Variants in GDF9 observed in about 807,000 individuals in gnomAD.
The protein encoded by GDF9 is growth/differentiation factor 9.
Under a neutral mutation model 33.8 loss-of-function variants are expected in GDF9, and 30 were observed. The ratio of observed to expected loss-of-function variants is 0.89; its 90% CI spans 0.66 to 1.20. GDF9 has a LOEUF of 1.20. Among genes scored for constraint, GDF9 ranks in the 50% most tolerant of loss-of-function variants. The pLI is 0.00. For synonymous variants in GDF9, 205 were observed against 200.7 expected, an observed-to-expected ratio of 1.02 and a Z score of -0.18; for missense variants, 556 against 543.7, an observed-to-expected ratio of 1.02 and a Z score of -0.22.
chr5:132,862,996 T>C (rs1759371304), intron 1 of GDF9, among the ~76,000 whole-genome samples: 1 of 152,056 alleles, frequency 6.6e-6, no homozygotes, highest in Non-Finnish European at 1.5e-5. Flanking sequence ...GCCCAGCTGA[T>C]TTTTTGTTTT....
rs1581252408 is a variant in GDF9 at position 132,864,833 on chromosome 5, T to C, written c.-300A>G. The C allele has an allele frequency of 2.7e-6, 1 of 368,252 alleles. No homozygotes were observed. The highest frequency in any genetic ancestry group is 4.9e-6 in the Non-Finnish European group (1 of 204,034). 22.8% of individuals were successfully genotyped at this position (368,252 alleles called of 1,614,324 possible). ...GTTACTGTTACACTACCGGACTAAC[T>C]ATGTAGCTGAAAGTCTAAGATAAAT... On this transcript the variant is annotated 5_prime_UTR_variant, in exon 1 of 2. It adds an upstream start codon to the 5' untranslated region. Transcript: ENST00000687138.
chr5:132,861,449 T>C lies in GDF9; in HGVS notation c.*140A>G. On this transcript the variant is annotated 3_prime_UTR_variant, in exon 2 of 2. Transcript: ENST00000687138. The stretch of plus-strand genomic sequence containing the variant: ...TTATCCTGATAGATGCCATAGAAGG[T>C]ACTAACCTACACAGGCTCCTCTTTA... 1 of 756,476 alleles carries C rather than the reference T, an allele frequency of 1.3e-6. No homozygotes were observed. Among genetic ancestry groups the C allele is most frequent in the Non-Finnish European group, 2.4e-6 (1 of 422,588 alleles). The allele number at this position is 756,476 out of a possible 1,614,324, so 46.9% of individuals were successfully genotyped here.
In GDF9 at chr5:132,862,324, T is replaced by C. The variant is rs752561305; in HGVS notation, c.630A>G (p.Lys210=). Residue 210 remains lysine (K), a synonymous_variant, in exon 2 of 2, where the codon AAA becomes AAG. Transcript: ENST00000687138. ...GGCTGGTCACATCAATCTGAATCCA[T>C]TTGTGTTTCTTTCCAAATTCAAACT... ...NSQFEFGKKH[K]WIQIDVTSLL... is the part of the protein sequence containing the mutation. The C allele has an allele frequency of 6.2e-7, 1 of 1,614,090 alleles. No individual in the cohort carries two copies. The highest frequency in any genetic ancestry group is 8.5e-7 in the Non-Finnish European group (1 of 1,180,002).
At position 132,861,702 on chromosome 5, in the gene GDF9, ACG is replaced by A; in HGVS notation, c.1250_1251del (p.Pro417LeufsTer16). 1 of 1,613,026 alleles carries A rather than the reference ACG, an allele frequency of 6.2e-7. No homozygotes were observed. The highest frequency in any genetic ancestry group is 8.5e-7 in the Non-Finnish European group (1 of 1,178,970). ...YEKLDSSVPR[P>X]SCVPAKYSPL... ...GGGCTGTATTTGGCAGGTACACATG[ACG>A]GTCTTGGCACTGAGGAGTCCAGCTT... On this transcript the variant is annotated frameshift_variant, in exon 2 of 2. Transcript: ENST00000687138. LOFTEE classifies it high-confidence loss of function.
chr5:132,862,162 G>C lies in GDF9; in HGVS notation c.792C>G (p.Ile264Met), dbSNP rs1489719337. ...GAGCACTTGTGTCATTCAAATATAA[G>C]ATCAGTGAGGGGGACACCAGAGTCA... ...FNMTLVSPSL[I>M]LYLNDTSAQA... The change falls in exon 2 of 2, where the codon ATC (isoleucine) becomes ATG (methionine). Residue 264 changes from isoleucine (I) to methionine (M), a missense_variant. Coordinates refer to ENST00000687138, the MANE Select transcript of GDF9 (RefSeq NM_005260.7). The C allele has an allele frequency of 1.2e-6, 2 of 1,612,998 alleles. No homozygotes were observed. The highest frequency in any genetic ancestry group is 8.5e-7 in the Non-Finnish European group (1 of 1,179,068).
Position 132,861,460 on chromosome 5 carries a change from A to G in GDF9, c.*129T>C. ...GATGCCATAGAAGGTACTAACCTAC[A>G]CAGGCTCCTCTTTATATAACATATG... On this transcript the variant is annotated 3_prime_UTR_variant, in exon 2 of 2. Coordinates refer to ENST00000687138, the MANE Select transcript of GDF9 (RefSeq NM_005260.7). 2.5e-6 allele frequency: 2 copies of G among 813,604 alleles called. No individual in the cohort carries two copies. 50.4% of individuals were successfully genotyped at this position (813,604 alleles called of 1,614,324 possible). A position where few individuals can be genotyped will look rare whatever the true frequency, so the allele number is the denominator to read the frequency against.
chr5:132,864,264 C>T lies in GDF9; in HGVS notation c.270G>A (p.Lys90=). The T allele has an allele frequency of 6.2e-7, 1 of 1,614,192 alleles. No homozygotes were observed. Among genetic ancestry groups the T allele is most frequent in the Non-Finnish European group, 8.5e-7 (1 of 1,180,010 alleles). ...TGGTAGCATATGTCTTATAGAGCTT[C>T]TTCATGTAGTGCAAAGCTCTGGAGT... ...QPDSRALHYM[K]KLYKTYATKE... is the part of the protein sequence containing the mutation. The change falls in exon 1 of 2, where the codon AAG becomes AAA. Residue 90 remains lysine, a synonymous_variant. Coordinates refer to ENST00000687138, the MANE Select transcript of GDF9 (RefSeq NM_005260.7).
In GDF9 at chr5:132,861,688, G is replaced by A. The variant is rs1376558017; in HGVS notation, c.1266C>T (p.Ala422=). The A allele has an allele frequency of 6.2e-7, 1 of 1,611,304 alleles. No homozygotes were observed. Among genetic ancestry groups the A allele is most frequent in the South Asian group, 1.1e-5 (1 of 91,026 alleles). ...SSVPRPSCVP[A]KYSPLSVLTI... ...TCAAAACACTCAAGGGGCTGTATTT[G>A]GCAGGTACACATGACGGTCTTGGCA... Residue 422 remains alanine, a synonymous_variant, in exon 2 of 2, where the codon GCC becomes GCT. Coordinates refer to ENST00000687138, the MANE Select transcript of GDF9 (RefSeq NM_005260.7).
At position 132,864,721 on chromosome 5, in the gene GDF9, C is replaced by T. The variant is rs1455702953; in HGVS notation, c.-188G>A. On this transcript the variant is annotated 5_prime_UTR_variant, in exon 1 of 2. The change creates a new upstream start codon in the 5' untranslated region. Transcript: ENST00000687138. ...GCTCTATATCAAGCAGCTGATAACA[C>T]CTTATTTAGCCAATTTGTTAATTAG... The T allele has an allele frequency of 1.7e-6, 1 of 591,174 alleles. No homozygotes were observed. The highest frequency in any genetic ancestry group is 3.0e-6 in the Non-Finnish European group (1 of 334,802). The allele number at this position is 591,174 out of a possible 1,614,324, so 36.6% of individuals were successfully genotyped here. A position where few individuals can be genotyped will look rare whatever the true frequency, so the allele number is the denominator to read the frequency against.
chr5:132,866,251 G>A lies in GDF9; in HGVS notation c.-1718C>T, dbSNP rs896202771. Reference sequence around the variant, plus strand: ...CTCAGAGGCGCTCTGTCTACAGCTGGGAAGACTCGCAGGCCCCAAGCTCCT... The same window carrying A: ...CTCAGAGGCGCTCTGTCTACAGCTGAGAAGACTCGCAGGCCCCAAGCTCCT... On this transcript the variant is annotated 5_prime_UTR_variant, in exon 1 of 2. Transcript: ENST00000687138. The A allele has an allele frequency of 6.4e-6, 1 of 155,686 alleles. No individual in the cohort carries two copies. The highest frequency in any genetic ancestry group is 1.4e-5 in the Non-Finnish European group (1 of 70,136). 9.6% of individuals were successfully genotyped at this position (155,686 alleles called of 1,614,324 possible).
At chr5:132,866,631 C>A (rs926341770), upstream of GDF9, 16 of 575,740 alleles carry the variant, frequency 2.8e-5, no homozygotes, top group Non-Finnish European at 4.3e-5. Flanking sequence ...TCCAACCTTG[C>A]CGGAAATGAC....
chr5:132,862,248 T>G lies in GDF9; in HGVS notation c.706A>C (p.Asn236His), dbSNP rs770359022. ...SNKRSIHMSI[N>H]FTCMKDQLEH... ...AGCTGGTCTTTCATGCAAGTAAAATTTATAGACATGTGAATACTTCTCTTG... is the reference window on the plus strand; with the variant it reads ...AGCTGGTCTTTCATGCAAGTAAAATGTATAGACATGTGAATACTTCTCTTG... Residue 236 changes from asparagine to histidine, a missense_variant, in exon 2 of 2, where the codon AAT becomes CAT. Coordinates refer to ENST00000687138, the MANE Select transcript of GDF9 (RefSeq NM_005260.7). The G allele has an allele frequency of 2.5e-6, 4 of 1,613,976 alleles. No homozygotes were observed. The Admixed American group carries it at 6.7e-5, about 27-fold the overall frequency.
chr5:132,863,728 C>T (rs537859652), intron 1 of GDF9, among the ~76,000 whole-genome samples: 13 of 152,236 alleles, frequency 8.5e-5, no homozygotes, highest in East Asian at 3.8e-4. Context: ...CTGTTCAAAA[C>T]GGGAACTTTA....
Position 132,862,284 on chromosome 5 carries a change from C to T in GDF9, c.670G>A (p.Val224Met). Residue 224 changes from valine to methionine, a missense_variant, in exon 2 of 2, where the codon GTG becomes ATG. Physicochemically the swap from Val to Met is conservative, Grantham distance 21 (BLOSUM62 1). Coordinates refer to ENST00000687138, the MANE Select transcript of GDF9 (RefSeq NM_005260.7). ...TGAATACTTCTCTTGTTGGAGGCCACTAAAGGTTGAAGGAGGCTGGTCACA... is the reference window on the plus strand; with the variant it reads ...TGAATACTTCTCTTGTTGGAGGCCATTAAAGGTTGAAGGAGGCTGGTCACA... ...IDVTSLLQPL[V>M]ASNKRSIHMS... 2 of 1,613,984 alleles carry T rather than the reference C, an allele frequency of 1.2e-6. No homozygotes were observed. The highest frequency in any genetic ancestry group is 3.3e-4 in the Middle Eastern group (2 of 6,062).
chr5:132,862,473 T>C lies in GDF9; in HGVS notation c.481A>G (p.Asn161Asp), dbSNP rs779467227. ...GAAAAAGAAACTGAGTTGTTGATAT[T>C]GTACAGCAAGACTGACTTGAGTAAG... ...EHLLKSVLLY[N>D]INNSVSFSSA... Residue 161 changes from asparagine to aspartate, a missense_variant, in exon 2 of 2, where the codon AAT becomes GAT. Transcript: ENST00000687138. The C allele has an allele frequency of 6.2e-7, 1 of 1,613,820 alleles. No homozygotes were observed. The highest frequency in any genetic ancestry group is 8.5e-7 in the Non-Finnish European group (1 of 1,179,826).
rs1295124148 is a variant in GDF9, at chr5:132,865,081, C to T, written c.-548G>A. On this transcript the variant is annotated 5_prime_UTR_variant, in exon 1 of 2. Coordinates refer to ENST00000687138, the MANE Select transcript of GDF9 (RefSeq NM_005260.7). The stretch of plus-strand genomic sequence containing the variant: ...CCAGGTGTTTACAATTGTAATTATT[C>T]GCTGCATGTTAATTTGCGAATTTAC... 6.5e-6 allele frequency: 1 copy of T among 153,778 alleles called. No homozygotes were observed. The highest frequency in any genetic ancestry group is 1.4e-5 in the Non-Finnish European group (1 of 69,130). 9.5% of individuals were successfully genotyped at this position (153,778 alleles called of 1,614,324 possible).
In GDF9 at chr5:132,862,324, T is replaced by G; in HGVS notation, c.630A>C (p.Lys210Asn). 8 of 1,614,090 alleles carry G rather than the reference T, an allele frequency of 5.0e-6. No individual in the cohort carries two copies. The highest frequency in any genetic ancestry group is 6.8e-6 in the Non-Finnish European group (8 of 1,180,002). Residue 210 changes from lysine to asparagine, a missense_variant, in exon 2 of 2, where the codon AAA (lysine) becomes AAC (asparagine). Lys to Asn is a moderately conservative substitution (Grantham distance 94, BLOSUM62 0). Transcript: ENST00000687138. The part of the protein sequence containing the change: ...NSQFEFGKKH[K>N]WIQIDVTSLL... ...GGCTGGTCACATCAATCTGAATCCA[T>G]TTGTGTTTCTTTCCAAATTCAAACT...
At chr5:132,862,757 C>T (rs989668558) in intron 1 of GDF9, among the ~76,000 whole-genome samples, 1 of 152,088 alleles carries the variant, frequency 6.6e-6, no homozygotes, top group African/African-American at 2.4e-5. Context: ...CCTTACTGGA[C>T]ATTTTATCTC....
chr5:132,862,624 G>T (rs934087375), intron 1 of GDF9, 68 bp from the exon 2 acceptor site: 13 of 1,154,900 alleles, frequency 1.1e-5, no homozygotes, highest in Non-Finnish European at 1.5e-5. Context: ...TCAAGTCAAA[G>T]AATTAGTACT....
Sources: allele counts gnomAD v4.1 joint callset (sites outside exome capture counted in the v4.1 genomes callset), GRCh38; gene constraint gnomAD v4.1.1; transcripts MANE v1.5; gene names NCBI Gene and HGNC (gene_info 2026-07-23, HGNC 2026-07-21).